DLG2: variants seen among roughly 807,000 people sequenced by gnomAD.
DLG2 encodes the protein disks large homolog 2.
DLG2 carries 45 observed loss-of-function variants against 132.5 expected under a neutral mutation model. That is an observed-to-expected ratio of 0.34 (90% CI 0.27 to 0.44). The LOEUF (loss-of-function observed/expected upper bound fraction) is 0.44, where lower values mean the gene tolerates loss of function less well. DLG2 is among the 20% of genes least tolerant of loss of function. The probability of loss-of-function intolerance (pLI) is 1.00; values close to 1 mark genes in which losing one functional copy is unlikely to be tolerated. For missense variants in DLG2, 1,045 were observed against 1,196.9 expected (o/e 0.87, Z 1.87); for synonymous variants, 424 against 419.6 (o/e 1.01, Z -0.13).
In DLG2 at chr11:83,473,899, T is replaced by C. The variant is rs537953855; in HGVS notation, c.2294-1122A>G. The stretch of plus-strand genomic sequence containing the variant: ...TGATAATGAGACTGATTTGGGGAAA[T>C]TGAGCAATATGTGGGTATAGCTGCG... On this transcript the variant is annotated intron_variant, in intron 22 of 27. Coordinates refer to ENST00000376104, the MANE Select transcript of DLG2 (RefSeq NM_001142699.3). 1.1e-4 allele frequency among the ~76,000 whole-genome samples: 16 copies of C among 152,198 alleles called. 1 individual carries two copies. Among genetic ancestry groups the C allele is most frequent in the African/African-American group, 3.1e-4 (13 of 41,558 alleles).
At chr11:85,581,629 A>C (rs1471789064) in intron 3 of DLG2, among the ~76,000 whole-genome samples, 4 of 152,030 alleles carry the variant, frequency 2.6e-5, no homozygotes, top group East Asian at 1.9e-4. Context: ...AACAAACAAA[A>C]AAACAAACAA....
At chr11:84,151,967 T>C (rs751554864) in intron 9 of DLG2, among the ~76,000 whole-genome samples, 2 of 152,230 alleles carry the variant, frequency 1.3e-5, no homozygotes, top group Non-Finnish European at 2.9e-5. Context: ...CAGTAAAGCA[T>C]GTAGTAGATC....
At chr11:85,592,951 A>T (rs1185502807) in intron 3 of DLG2, among the ~76,000 whole-genome samples, 1 of 151,978 alleles carries the variant, frequency 6.6e-6, no homozygotes, top group African/African-American at 2.4e-5. Flanking sequence ...GACTGAGAAA[A>T]AAGAAAGAAA....
At chr11:85,531,942 A>G (rs1232737203) in intron 3 of DLG2, among the ~76,000 whole-genome samples, 2 of 152,248 alleles carry the variant, frequency 1.3e-5, no homozygotes, top group African/African-American at 2.4e-5. Flanking sequence ...TCAAAGTCAC[A>G]TAACTGGAAT....
intron 17 of DLG2, among the ~76,000 whole-genome samples, chr11:83,832,302 G>C (rs2054764241): frequency 6.6e-6 from 1 of 152,178 alleles, no homozygotes; most frequent in Non-Finnish European, 1.5e-5. Flanking sequence ...AACTTTTGGA[G>C]TGATGGTTGT....
intron 7 of DLG2, among the ~76,000 whole-genome samples, chr11:84,414,008 G>T (rs906864794): frequency 6.6e-6 from 1 of 152,038 alleles, no homozygotes; most frequent in Non-Finnish European, 1.5e-5. Flanking sequence ...AAGCCAATTC[G>T]ACAAAACACC....
chr11:83,751,997 G>A (rs1443788096), intron 18 of DLG2, among the ~76,000 whole-genome samples: 3 of 152,156 alleles, frequency 2.0e-5, no homozygotes, highest in Non-Finnish European at 2.9e-5. Context: ...GCCTGGCTGC[G>A]GTGGCTCACG....
chr11:83,481,244 A>C (rs2093077360), intron 22 of DLG2, among the ~76,000 whole-genome samples: 1 of 152,084 alleles, frequency 6.6e-6, no homozygotes, highest in African/African-American at 2.4e-5. Flanking sequence ...CACCTAACTT[A>C]ACAGGGATGT....
rs117546598 is a variant in DLG2, at chr11:83,777,795, A to G, written c.1825+8895T>C. ...TTCTGTGTGTTTAAAATGTATGGGG[A>G]AAAAAGGAAACATTTAGAAATTACC... On this transcript the variant is annotated intron_variant, in intron 18 of 27. Transcript: ENST00000376104. Among the ~76,000 whole-genome samples, 170 of 152,304 alleles carry G rather than the reference A, an allele frequency of 1.1e-3. 1 individual carries two copies. In the East Asian group the frequency reaches 0.026, roughly 24 times the overall value.
chr11:84,980,587 C>A (rs1441157869), intron 6 of DLG2, among the ~76,000 whole-genome samples: 1 of 152,036 alleles, frequency 6.6e-6, no homozygotes, highest in Non-Finnish European at 1.5e-5. Context: ...AATAAGAAAC[C>A]CCAAACAGGG....
At chr11:84,494,614 A>G (rs886630859) in intron 7 of DLG2, among the ~76,000 whole-genome samples, 3 of 152,142 alleles carry the variant, frequency 2.0e-5, no homozygotes, top group African/African-American at 7.2e-5. Flanking sequence ...GGAAGTAGTA[A>G]TGACTGATAG....
intron 7 of DLG2, among the ~76,000 whole-genome samples, chr11:84,490,649 C>CAAAA (rs5793124): frequency 4.4e-5 from 3 of 68,932 alleles, no homozygotes; most frequent in Non-Finnish European, 6.1e-5. Context: ...CATATATGAG[C>CAAAA]AAAAAAAAAA....
intron 6 of DLG2, among the ~76,000 whole-genome samples, chr11:84,917,777 A>T (rs2092557471): frequency 1.3e-5 from 2 of 152,190 alleles, no homozygotes; most frequent in African/African-American, 2.4e-5. Context: ...TAACACGTTA[A>T]GTAGGCTTAG....
intron 4 of DLG2, among the ~76,000 whole-genome samples, chr11:85,164,296 C>T (rs1440691797): frequency 1.3e-5 from 2 of 152,034 alleles, no homozygotes; most frequent in Non-Finnish European, 2.9e-5. Context: ...AATCAGTATG[C>T]CACAGAGGAA....
At chr11:83,709,641 G>A (rs1246044745) in intron 18 of DLG2, among the ~76,000 whole-genome samples, 1 of 152,128 alleles carries the variant, frequency 6.6e-6, no homozygotes, top group Non-Finnish European at 1.5e-5. Flanking sequence ...TGCAGGTTTT[G>A]TTTTCAACAA....
At chr11:83,747,841 G>A (rs73511031) in intron 18 of DLG2, among the ~76,000 whole-genome samples, 2,354 of 152,042 alleles carry the variant, frequency 0.015, 67 homozygotes, top group African/African-American at 0.055. Context: ...TTTACTCAAG[G>A]ATTCTTTTCC....
At chr11:84,871,767 G>C (rs2085497014) in intron 6 of DLG2, among the ~76,000 whole-genome samples, 1 of 151,830 alleles carries the variant, frequency 6.6e-6, no homozygotes, top group Admixed American at 6.6e-5. Flanking sequence ...CTATCGCCCA[G>C]CCTGGAGTGC....
intron 3 of DLG2, among the ~76,000 whole-genome samples, chr11:85,559,156 T>TTA (rs1035911017): frequency 8.3e-5 from 11 of 132,958 alleles, no homozygotes; most frequent in African/African-American, 3.5e-4. Context: ...ATTATTATTA[T>TTA]TTTTTTTTTT....
At chr11:85,202,931 C>G (rs2081573990) in intron 4 of DLG2, among the ~76,000 whole-genome samples, 2 of 151,460 alleles carry the variant, frequency 1.3e-5, no homozygotes, top group Non-Finnish European at 3.0e-5. Flanking sequence ...CAATAAATAT[C>G]TACATAAAAA....
Sources: allele counts gnomAD v4.1 joint callset (sites outside exome capture counted in the v4.1 genomes callset), GRCh38; gene constraint gnomAD v4.1.1; transcripts MANE v1.5; gene names NCBI Gene and HGNC (gene_info 2026-07-23, HGNC 2026-07-21).